The following TBC1D30 variants were observed in gnomAD, a reference collection of about 807,000 sequenced individuals.
TBC1D30 encodes TBC1 domain family, member 30.
In TBC1D30, 31 loss-of-function variants were observed where a neutral mutation model predicts 63.2. The observed-to-expected ratio is 0.49, with a 90% CI of 0.37 to 0.66. TBC1D30 has a LOEUF of 0.66. TBC1D30 is among the 30% of genes least tolerant of loss of function. The pLI is 0.00. For missense variants in TBC1D30, 810 were observed against 953.6 expected, an observed-to-expected ratio of 0.85 and a Z score of 1.98; for synonymous variants, 307 against 361.5, an observed-to-expected ratio of 0.85 and a Z score of 1.71.
At chr12:64,796,879 TC>T (rs1565645985) in intron 2 of TBC1D30, among the ~76,000 whole-genome samples, 2 of 152,076 alleles carry the variant, frequency 1.3e-5, no homozygotes, top group African/African-American at 4.8e-5. Flanking sequence ...AAATACTTTT[TC>T]CCCCAAAAGA....
chr12:64,861,360 A>G (rs1877771985), intron 8 of TBC1D30, among the ~76,000 whole-genome samples: 1 of 152,218 alleles, frequency 6.6e-6, no homozygotes, highest in Admixed American at 6.5e-5. Context: ...AGAAATGGTG[A>G]ATGTCATTTC....
At chr12:64,819,230 C>T (rs1162470992) in intron 2 of TBC1D30, among the ~76,000 whole-genome samples, 1 of 151,952 alleles carries the variant, frequency 6.6e-6, no homozygotes, top group Non-Finnish European at 1.5e-5. Context: ...AAAAGAAAAT[C>T]ATATAAATAG....
At chr12:64,781,152 T>G in exon 1 of TBC1D30, 2 of 1,017,800 alleles carry the variant, frequency 2.0e-6, no homozygotes, top group Non-Finnish European at 2.3e-6. Flanking sequence ...CGCGACAGCC[T>G]CGACAGCTCC....
chr12:64,817,193 G>A (rs1565654776), intron 2 of TBC1D30, among the ~76,000 whole-genome samples: 1 of 152,222 alleles, frequency 6.6e-6, no homozygotes, highest in African/African-American at 2.4e-5. Context: ...TCTGGGTCCT[G>A]TGCTGGATAG....
chr12:64,833,067 G>A (rs1875012829), intron 5 of TBC1D30, among the ~76,000 whole-genome samples: 1 of 152,180 alleles, frequency 6.6e-6, no homozygotes, highest in Non-Finnish European at 1.5e-5. Flanking sequence ...GTGTGACTCA[G>A]GGGTCATGTT....
exon 1 of TBC1D30, chr12:64,781,079 A>G (rs1181757879): frequency 3.0e-6 from 3 of 1,011,830 alleles, no homozygotes; most frequent in Non-Finnish European, 3.5e-6. Context: ...CGAGCTGTAC[A>G]GCTGCACAGA....
At chr12:64,792,978 A>G (rs906800594) in intron 2 of TBC1D30, among the ~76,000 whole-genome samples, 1 of 152,146 alleles carries the variant, frequency 6.6e-6, no homozygotes, top group Non-Finnish European at 1.5e-5. Context: ...CCATGCCCAC[A>G]GAAGTATTGT....
chr12:64,790,964 C>T (rs549246683), intron 2 of TBC1D30, among the ~76,000 whole-genome samples: 28 of 152,246 alleles, frequency 1.8e-4, no homozygotes, highest in African/African-American at 6.3e-4. Flanking sequence ...AGACATATGT[C>T]CCCACAAAAA....
intron 8 of TBC1D30, 107 bp from the exon 9 acceptor site, chr12:64,864,561 T>C: frequency 1.4e-6 from 1 of 725,922 alleles, no homozygotes; most frequent in African/African-American, 1.7e-5. Flanking sequence ...AGGAGCAGTA[T>C]CTGCCTCTTC....
chr12:64,800,198 A>G (rs914697396), intron 2 of TBC1D30, among the ~76,000 whole-genome samples: 1 of 152,226 alleles, frequency 6.6e-6, no homozygotes, highest in Non-Finnish European at 1.5e-5. Flanking sequence ...AGATAAGGGC[A>G]CAGAGGCTGA....
At chr12:64,851,473 T>C (rs1467744857) in intron 8 of TBC1D30, among the ~76,000 whole-genome samples, 1 of 152,258 alleles carries the variant, frequency 6.6e-6, no homozygotes, top group Non-Finnish European at 1.5e-5. Flanking sequence ...GGGTCTTGAC[T>C]CTTTATCCAG....
chr12:64,785,439 C>T (rs1457155735), intron 1 of TBC1D30, among the ~76,000 whole-genome samples: 2 of 139,222 alleles, frequency 1.4e-5, no homozygotes, highest in East Asian at 2.1e-4. Flanking sequence ...TGAGCCACCA[C>T]GCCTGGCCTT....
chr12:64,859,953 CT>C (rs1161631222), intron 8 of TBC1D30, among the ~76,000 whole-genome samples: 2 of 151,936 alleles, frequency 1.3e-5, no homozygotes, highest in Non-Finnish European at 2.9e-5. Context: ...CCCAGAGCCT[CT>C]GTTATTTCAG....
At chr12:64,798,572 T>G (rs1466484277) in intron 2 of TBC1D30, among the ~76,000 whole-genome samples, 1 of 152,180 alleles carries the variant, frequency 6.6e-6, no homozygotes, top group Non-Finnish European at 1.5e-5. Flanking sequence ...CTCGTTTGAG[T>G]GGTATTAGAC....
chr12:64,834,707 CTTTTTTTTTT>C (rs11374555), intron 5 of TBC1D30, among the ~76,000 whole-genome samples: 1 of 76,320 alleles, frequency 1.3e-5, no homozygotes, highest in Admixed American at 1.5e-4. Flanking sequence ...CCGTGCCGGG[CTTTTTTTTTT>C]TTTTTTTTTT....
intron 8 of TBC1D30, among the ~76,000 whole-genome samples, chr12:64,860,409 C>G (rs1877688919): frequency 6.6e-6 from 1 of 152,144 alleles, no homozygotes; most frequent in Non-Finnish European, 1.5e-5. Context: ...CTGCCTTGGC[C>G]TCCCAAAGTG....
At position 64,761,244 on chromosome 12, in the gene TBC1D30, T is replaced by C. The variant is rs1374267270; in HGVS notation, c.-376+1595T>C. Among the ~76,000 whole-genome samples the C allele has an allele frequency of 2.6e-5, 4 of 152,256 alleles. No homozygotes were observed. The South Asian group carries it at 8.3e-4, about 31-fold the overall frequency. ...TCATCTGTATCGAAGCCCCAAATTG[T>C]AAAATTGTTTCTTTTCTATTTTTTT... is the stretch of plus-strand genomic sequence containing the variant. On this transcript the variant is annotated intron_variant, in intron 1 of 13. Transcript: ENST00000674237.
rs531327081 is a variant in TBC1D30 at position 64,780,823 on chromosome 12, C to G, written c.15C>G (p.Pro5=). ...CGCCGGGGACCATGGACGTCCTTCC[C>G]ACCGGCGGGGGCCGCCCGGGGCTCC... The change falls in exon 1 of 13, where the codon CCC becomes CCG. Residue 5 remains proline (P), a synonymous_variant. Transcript: ENST00000542120. The G allele has an allele frequency of 1.8e-5, 18 of 995,542 alleles. No individual in the cohort carries two copies. In the South Asian group the frequency reaches 6.9e-4, roughly 38 times the overall value. The allele number at this position is 995,542 out of a possible 1,614,324, so 61.7% of individuals were successfully genotyped here.
In TBC1D30 at chr12:64,824,927, C is replaced by T; in HGVS notation, c.48C>T (p.Cys16=). ...LTGSLRRGGR[C]LKRQGGGVGT... The stretch of plus-strand genomic sequence containing the variant: ...GGTCTCTGAGGCGCGGGGGGAGATG[C>T]CTGAAGCGGCAGGGCGGCGGCGTGG... The change falls in exon 1 of 12, where the codon TGC becomes TGT. Residue 16 remains cysteine, a synonymous_variant. Transcript: ENST00000539867. The T allele has an allele frequency of 6.5e-7, 1 of 1,534,448 alleles. No individual in the cohort carries two copies. The highest frequency in any genetic ancestry group is 1.2e-5 in the South Asian group (1 of 83,926).
Sources: allele counts gnomAD v4.1 joint callset (sites outside exome capture counted in the v4.1 genomes callset), GRCh38; gene constraint gnomAD v4.1.1; transcripts MANE v1.5; gene names NCBI Gene and HGNC (gene_info 2026-07-23, HGNC 2026-07-21).